NEB: variants seen among roughly 807,000 people sequenced by gnomAD.
The protein encoded by NEB is nemaline myopathy type 2.
A neutral mutation model predicts 952.2 loss-of-function variants in NEB; 512 were observed. The observed-to-expected ratio is 0.54, with a 90% CI of 0.50 to 0.58. The LOEUF is 0.58. NEB is among the 20% of genes least tolerant of loss of function. The probability of loss-of-function intolerance (pLI) is 0.00; values close to 1 mark genes in which losing one functional copy is unlikely to be tolerated. For synonymous variants in NEB, 2,900 were observed against 3,149.8 expected (o/e 0.92, Z 2.66); for missense variants, 8,428 against 9,231.1 (o/e 0.91, Z 3.56).
intron 171 of NEB, 68 bp downstream of exon 171, chr2:151,497,555 GTAT>G: frequency 6.6e-7 from 1 of 1,525,840 alleles, no homozygotes; most frequent in Non-Finnish European, 8.8e-7. Context: ...GGATTAATAC[GTAT>G]TATTTTAAAT....
intron 169 of NEB, among the ~76,000 whole-genome samples, 186 bp from the exon 170 acceptor site, chr2:151,498,538 A>C (rs1265667080): frequency 2.0e-5 from 3 of 152,200 alleles, no homozygotes; most frequent in African/African-American, 7.2e-5. Context: ...GGAATGCAGG[A>C]AAGAGCAGCA....
chr2:151,571,013 CT>C (rs945630910), intron 107 of NEB, among the ~76,000 whole-genome samples: 3 of 151,018 alleles, frequency 2.0e-5, no homozygotes, highest in Non-Finnish European at 3.0e-5. Flanking sequence ...TACTCTTTTT[CT>C]TTTTTTTTGA....
At chr2:151,491,481 G>A (rs562516214) in intron 179 of NEB, 5 of 475,398 alleles carry the variant, frequency 1.1e-5, no homozygotes, top group African/African-American at 9.8e-5. Flanking sequence ...CACTGAGGCA[G>A]TGAAACAAAA....
intron 138 of NEB, 135 bp downstream of exon 138, chr2:151,540,209 C>CT: frequency 6.7e-6 from 3 of 450,302 alleles, no homozygotes; most frequent in Non-Finnish European, 1.1e-5. Context: ...TTTTTTTTCT[C>CT]TTTAAAAAAA....
chr2:151,578,585 C>T (rs1207072411), intron 105 of NEB, among the ~76,000 whole-genome samples: 1 of 150,804 alleles, frequency 6.6e-6, no homozygotes, highest in Middle Eastern at 3.2e-3. Flanking sequence ...CGCTTGAACC[C>T]GGGAGGCAGA....
Position 151,669,079 on chromosome 2 carries a change from G to A in NEB, c.4559C>T (p.Pro1520Leu). 1 of 1,595,720 alleles carries A rather than the reference G, an allele frequency of 6.3e-7. No individual in the cohort carries two copies. Among genetic ancestry groups the A allele is most frequent in the South Asian group, 1.1e-5 (1 of 87,774 alleles). ...EKLKHKYTID[P>L]ELPQFIQAKV... ...GGCTTGAATAAACTGAGGCAATTCA[G>A]GGTCAATAGTATACTTGTGCTTCAG... Residue 1520 changes from proline (P) to leucine (L), a missense_variant, in exon 39 of 182, where the codon CCT (proline) becomes CTT (leucine). Around this residue, in one of 11 missense-constraint regions of NEB, gnomAD observed 2,851 missense variants for 2,791.5 expected, o/e 1.02. Transcript: ENST00000397345.
chr2:151,506,331 G>A, intron 163 of NEB, 73 bp from the exon 164 acceptor site: 5 of 1,118,412 alleles, frequency 4.5e-6, no homozygotes, highest in Non-Finnish European at 6.6e-6. Context: ...GAAAGACTAG[G>A]ACACATGGCT....
rs2099605512 is a variant in NEB, at chr2:151,697,570, T to A, written c.1231A>T (p.Thr411Ser). 3 of 1,613,402 alleles carry A rather than the reference T, an allele frequency of 1.9e-6. No individual in the cohort carries two copies. The highest frequency in any genetic ancestry group is 2.5e-6 in the Non-Finnish European group (3 of 1,179,758). Reference protein sequence around the residue: ...YCETPKFKLDTVLQNFSSDKK... With the variant: ...YCETPKFKLDSVLQNFSSDKK... ...TCACTACTGAAGTTCTGCAGAACAG[T>A]ATCGAGCTTGAATTTGGGGGTCTCG... The change falls in exon 14 of 182, where the codon ACT (threonine) becomes TCT (serine). Residue 411 changes from threonine to serine, a missense_variant. Thr to Ser is a moderately conservative substitution (Grantham distance 58). Around this residue, in one of 11 missense-constraint regions of NEB, gnomAD observed 2,851 missense variants for 2,791.5 expected, o/e 1.02. Coordinates refer to ENST00000397345, the MANE Select transcript of NEB (RefSeq NM_001164508.2).
At chr2:151,658,547 A>G (rs1185234197) in intron 47 of NEB, among the ~76,000 whole-genome samples, 2 of 152,214 alleles carry the variant, frequency 1.3e-5, no homozygotes, top group African/African-American at 4.8e-5. Flanking sequence ...CAAAGAAATG[A>G]TAAAAATAGG....
chr2:151,644,835 G>A (rs148233755), intron 55 of NEB, among the ~76,000 whole-genome samples: 4 of 152,192 alleles, frequency 2.6e-5, no homozygotes, highest in East Asian at 1.9e-4. Context: ...GATACATTCC[G>A]AGAAATGTAT....
chr2:151,664,896 A>G (rs771558117), intron 42 of NEB, 33 bp from the exon 43 acceptor site: 23 of 1,506,054 alleles, frequency 1.5e-5, no homozygotes, highest in Admixed American at 3.6e-5. Context: ...ATGATTTTAC[A>G]GCAGGACAAG....
chr2:151,678,312 A>G, intron 32 of NEB, 125 bp from the exon 33 acceptor site: 1 of 608,352 alleles, frequency 1.6e-6, no homozygotes, highest in Non-Finnish European at 2.9e-6. Flanking sequence ...CAAACAATTA[A>G]CAATTCACTT....
chr2:151,680,695 A>ATG (rs2099407861), intron 30 of NEB, 35 bp downstream of exon 30: 6 of 1,351,818 alleles, frequency 4.4e-6, no homozygotes, highest in Non-Finnish European at 6.3e-6. Flanking sequence ...GTATTAGTTA[A>ATG]CATCTATTAA....
intron 143 of NEB, 89 bp downstream of exon 143, chr2:151,533,353 G>A (rs2153514429): frequency 2.4e-6 from 2 of 818,736 alleles, no homozygotes; most frequent in East Asian, 2.7e-5. Flanking sequence ...CATGGGCAGG[G>A]AGTGGAAGAG....
In NEB at chr2:151,514,394, C is replaced by T. The variant is rs372699411; in HGVS notation, c.23051G>A (p.Arg7684His). 1.1e-4 allele frequency: 180 copies of T among 1,613,418 alleles called. No homozygotes were observed. The highest frequency in any genetic ancestry group is 1.4e-4 in the Non-Finnish European group (168 of 1,179,522). The change falls in exon 159 of 182, where the codon CGT becomes CAT. Residue 7684 changes from arginine to histidine, a missense_variant. Transcript: ENST00000397345. ...TTCCATTTCAGTGAGGCCCTTCCCA[C>T]GGATGCTTTCCTCTAGATCTTTCCT... ...EYRKDLEESI[R>H]GKGLTEMEDT...
intron 41 of NEB, 99 bp from the exon 42 acceptor site, chr2:151,665,638 G>C: frequency 9.7e-7 from 1 of 1,026,834 alleles, no homozygotes; most frequent in South Asian, 2.0e-5. Context: ...AAGAGAAGCT[G>C]GGAGGGGGAG....
At chr2:151,502,481 A>C (rs1168805769) in intron 167 of NEB, among the ~76,000 whole-genome samples, 1 of 152,156 alleles carries the variant, frequency 6.6e-6, no homozygotes, top group African/African-American at 2.4e-5. Flanking sequence ...TGTCCTTTTG[A>C]AAGGGTGTTA....
chr2:151,489,417 G>C (rs1462661759), intron 181 of NEB, among the ~76,000 whole-genome samples: 1 of 152,008 alleles, frequency 6.6e-6, no homozygotes, highest in African/African-American at 2.4e-5. Context: ...CTTGATTTTT[G>C]AGACAGGGTC....
intron 6 of NEB, 132 bp from the exon 7 acceptor site, chr2:151,725,093 T>C: frequency 1.4e-6 from 1 of 695,636 alleles, no homozygotes; most frequent in South Asian, 1.9e-5. Flanking sequence ...TTCTGCATTT[T>C]AGCTGGAAAA....
Sources: allele counts gnomAD v4.1 joint callset (sites outside exome capture counted in the v4.1 genomes callset), GRCh38; gene constraint gnomAD v4.1.1; regional missense constraint gnomAD v4.1.1; transcripts MANE v1.5; gene names NCBI Gene and HGNC (gene_info 2026-07-23, HGNC 2026-07-21).